EML1: variants seen among roughly 807,000 people sequenced by gnomAD.
EML1 encodes EMAP like 1, also known as echinoderm microtubule-associated protein-like 1.
In EML1, 27 loss-of-function variants were observed where a neutral mutation model predicts 110.4. That is an observed-to-expected ratio of 0.24 (90% confidence interval 0.18 to 0.34). The LOEUF is 0.34. EML1 is among the 10% of genes least tolerant of loss of function. The pLI, the probability that EML1 is intolerant of heterozygous loss-of-function variation, is 1.00. For missense variants in EML1, 741 were observed against 1,030.9 expected (o/e 0.72, Z 3.85); for synonymous variants, 344 against 385.8 (o/e 0.89, Z 1.27).
intron 4 of EML1, among the ~76,000 whole-genome samples, chr14:99,890,718 C>T (rs1711832999): frequency 1.3e-5 from 2 of 152,152 alleles, no homozygotes; most frequent in Non-Finnish European, 1.5e-5. Context: ...CCCCGCTTCT[C>T]TTTCTATTTT....
chr14:99,773,357 A>G (rs985597574), exon 1 of EML1: 2 of 152,194 alleles, frequency 1.3e-5, no homozygotes, highest in East Asian at 3.8e-4. Context: ...TTTCCTCACT[A>G]TTCTGTAGAC....
At position 99,764,679 on chromosome 14, in the gene EML1, A is replaced by G. The variant is rs550087745; in HGVS notation, c.28+26819A>G. On this transcript the variant is annotated intron_variant, in intron 1 of 10. Transcript: ENST00000554479. ...AGGAGGTGGCTGAGAAGGAAAGGGGAGACAAGTCCCAAATTCCAGCCCAGG... is the reference window on the plus strand; with the variant it reads ...AGGAGGTGGCTGAGAAGGAAAGGGGGGACAAGTCCCAAATTCCAGCCCAGG... 3.7e-4 allele frequency among the ~76,000 whole-genome samples: 57 copies of G among 152,306 alleles called. No individual in the cohort carries two copies. In the East Asian group the frequency reaches 7.1e-3, roughly 19 times the overall value.
At chr14:99,754,254 A>T (rs920870627) in intron 1 of EML1, among the ~76,000 whole-genome samples, 1 of 152,240 alleles carries the variant, frequency 6.6e-6, no homozygotes, top group Admixed American at 6.5e-5. Flanking sequence ...TTCTTGTGAC[A>T]TCATCTTAAT....
At chr14:99,869,815 G>A (rs981188108) in intron 3 of EML1, among the ~76,000 whole-genome samples, 3 of 152,232 alleles carry the variant, frequency 2.0e-5, no homozygotes, top group African/African-American at 4.8e-5. Flanking sequence ...TTAAAAGAGC[G>A]TGGCACCTCC....
At chr14:99,840,638 C>T (rs1402486654) in intron 1 of EML1, among the ~76,000 whole-genome samples, 4 of 152,146 alleles carry the variant, frequency 2.6e-5, no homozygotes, top group African/African-American at 7.2e-5. Context: ...GAACATCTCA[C>T]GATAAAGGGA....
chr14:99,757,231 C>A (rs1210442499), intron 1 of EML1, among the ~76,000 whole-genome samples: 1 of 151,774 alleles, frequency 6.6e-6, no homozygotes, highest in Admixed American at 6.6e-5. Context: ...CGCAGCTACT[C>A]GGGAGGCTGA....
intron 7 of EML1, among the ~76,000 whole-genome samples, chr14:99,897,604 C>T (rs2059692955): frequency 6.6e-6 from 1 of 152,160 alleles, no homozygotes; most frequent in African/African-American, 2.4e-5. Context: ...AATTTTCCAG[C>T]CTCACCAACG....
chr14:99,859,873 T>G (rs2058971582), intron 2 of EML1, among the ~76,000 whole-genome samples: 1 of 152,180 alleles, frequency 6.6e-6, no homozygotes, highest in Admixed American at 6.5e-5. Context: ...AACAGAGCAT[T>G]TTATTGTCGG....
At chr14:99,883,746 C>G (rs1371697379) in intron 4 of EML1, among the ~76,000 whole-genome samples, 1 of 152,136 alleles carries the variant, frequency 6.6e-6, no homozygotes, top group Non-Finnish European at 1.5e-5. Flanking sequence ...ATGAGCATGT[C>G]TTTGTGTGAA....
intron 1 of EML1, among the ~76,000 whole-genome samples, chr14:99,840,969 TG>T (rs2058622975): frequency 1.3e-5 from 2 of 152,364 alleles, no homozygotes; most frequent in Admixed American, 1.3e-4. Flanking sequence ...GTCTTCTTTT[TG>T]CTTCTGAAAC....
intron 1 of EML1, among the ~76,000 whole-genome samples, chr14:99,738,324 C>T (rs1434743260): frequency 6.6e-6 from 1 of 152,256 alleles, no homozygotes; most frequent in East Asian, 1.9e-4. Context: ...CAGCACCAGG[C>T]AGGCCCTCTG....
chr14:99,825,852 A>C (rs2058343036), intron 1 of EML1, among the ~76,000 whole-genome samples: 1 of 152,148 alleles, frequency 6.6e-6, no homozygotes, highest in African/African-American at 2.4e-5. Context: ...GACATAAGGG[A>C]AGGTTTTTTC....
intron 17 of EML1, among the ~76,000 whole-genome samples, chr14:99,923,585 T>C (rs2060169014): frequency 6.6e-6 from 1 of 152,266 alleles, no homozygotes; most frequent in African/African-American, 2.4e-5. Context: ...GACACTTTTG[T>C]CAAAAATCAA....
intron 1 of EML1, among the ~76,000 whole-genome samples, chr14:99,787,503 C>T (rs939985907): frequency 2.2e-4 from 34 of 151,884 alleles, no homozygotes; most frequent in Admixed American, 6.6e-4. Context: ...GGTCTCGAAC[C>T]CCTGACCTCA....
intron 1 of EML1, among the ~76,000 whole-genome samples, chr14:99,751,911 G>A (rs961407308): frequency 6.6e-6 from 1 of 152,146 alleles, no homozygotes; most frequent in Non-Finnish European, 1.5e-5. Context: ...AGGGTTTTGG[G>A]CAGAGGAGTG....
intron 1 of EML1, among the ~76,000 whole-genome samples, chr14:99,759,180 G>C (rs1373625436): frequency 1.3e-5 from 2 of 152,248 alleles, no homozygotes; most frequent in African/African-American, 4.8e-5. Context: ...AAGAAGGAGA[G>C]GGAGGGGGCT....
At position 99,919,403 on chromosome 14, in the gene EML1, CACACACATACGCATGCACACAG is replaced by C. The variant is rs1484577731; in HGVS notation, c.1821-1378_1821-1357del. Among the ~76,000 whole-genome samples the C allele has an allele frequency of 4.0e-3, 386 of 96,684 alleles. 4 individuals are homozygous for C. The highest frequency in any genetic ancestry group is 0.011 in the Admixed American group (81 of 7,318). The allele number at this position is 96,684 out of a possible 152,430, so 63.4% of individuals were successfully genotyped here. A position where few individuals can be genotyped will look rare whatever the true frequency, so the allele number is the denominator to read the frequency against. ...TCATGAAAACGTTTGTATAGCCACA[CACACACATACGCATGCACACAG>C]ACACACACACACACACACACACACA... On this transcript the variant is annotated intron_variant, in intron 16 of 21. Transcript: ENST00000262233.
At chr14:99,770,946 A>G (rs996175964), upstream of EML1, among the ~76,000 whole-genome samples, 14 of 151,710 alleles carry the variant, frequency 9.2e-5, no homozygotes, top group Admixed American at 5.3e-4. Context: ...CACTACGCCC[A>G]GCTAATTTTT....
chr14:99,886,457 C>T (rs1053877109), intron 4 of EML1, among the ~76,000 whole-genome samples: 3 of 152,150 alleles, frequency 2.0e-5, no homozygotes, highest in South Asian at 2.1e-4. Context: ...CTTCAGCCTG[C>T]GCGACAGAGC....
Sources: gnomAD v4.1 joint callset for allele counts (sites outside exome capture counted in the v4.1 genomes callset) on GRCh38, gnomAD v4.1.1 for gene constraint, MANE v1.5 for transcripts, NCBI Gene and HGNC (gene_info 2026-07-23, HGNC 2026-07-21) for gene names.